Variants in CD101 observed in about 807,000 individuals in gnomAD.
The protein encoded by CD101 is immunoglobulin superfamily member 2.
In CD101, 76 loss-of-function variants were observed where a neutral mutation model predicts 98.2. The observed-to-expected ratio is 0.77, with a 90% confidence interval of 0.64 to 0.94. The LOEUF (loss-of-function observed/expected upper bound fraction) is 0.94. CD101 is among the 40% of genes least tolerant of loss of function. CD101 has a pLI of 0.00. For synonymous variants in CD101, 471 were observed against 472.7 expected, an observed-to-expected ratio of 1.00 and a Z score of 0.05; for missense variants, 1,145 against 1,218.8, an observed-to-expected ratio of 0.94 and a Z score of 0.90.
At position 117,027,399 on chromosome 1, in the gene CD101, G is replaced by A. The variant is rs567607750; in HGVS notation, c.2824+1495G>A. 3.3e-5 allele frequency among the ~76,000 whole-genome samples: 5 copies of A among 152,310 alleles called. 1 individual carries two copies. The South Asian group carries it at 1.0e-3, about 32-fold the overall frequency. On this transcript the variant is annotated intron_variant, in intron 8 of 9. Transcript: ENST00000682167. Reference sequence around the variant, plus strand: ...TGTCATCAAAGAAGTATTTCCAGTAGACTAGGGGAACAACAGAGGCAGGGC... The same window carrying A: ...TGTCATCAAAGAAGTATTTCCAGTAAACTAGGGGAACAACAGAGGCAGGGC...
chr1:117,025,198 A>G (rs1215198738), intron 7 of CD101, among the ~76,000 whole-genome samples: 2 of 152,110 alleles, frequency 1.3e-5, no homozygotes, highest in Non-Finnish European at 2.9e-5. Context: ...CCCCGTCTCT[A>G]CTAAAAATAC....
chr1:117,025,895 C>T lies in CD101; in HGVS notation c.2815C>T (p.Leu939=), dbSNP rs751511393. 2 of 1,606,966 alleles carry T rather than the reference C, an allele frequency of 1.2e-6. No individual in the cohort carries two copies. Among genetic ancestry groups the T allele is most frequent in the Non-Finnish European group, 1.7e-6 (2 of 1,174,590 alleles). ...GTCACAGCGGATGGTGCTCACGGTG[C>T]TGCCTTCAGGTAACCAGGGGTTTAT... ...DESQRMVLTV[L]PSEPTLPSRI... Residue 939 remains leucine (L), a synonymous_variant, in exon 8 of 10, where the codon CTG becomes TTG. Transcript: ENST00000682167.
At position 117,021,938 on chromosome 1, in the gene CD101, G is replaced by A. The variant is rs775541507; in HGVS notation, c.2383G>A (p.Gly795Arg). The change falls in exon 7 of 10, where the codon GGA (glycine) becomes AGA (arginine). Residue 795 changes from glycine (G) to arginine (R), a missense_variant. Coordinates refer to ENST00000682167, the MANE Select transcript of CD101 (RefSeq NM_001256106.3). This position sits in a 1 kb window ranked among gnomAD's most constrained non-coding sequence, Gnocchi z 4.7. ...TACAAATGGCACTTGGCACAAGCTT[G>A]GAGAAAAGAAGTCAGGACTAACAGA... ...LSTNGTWHKL[G>R]EKKSGLTELK... 1.2e-6 allele frequency: 2 copies of A among 1,613,108 alleles called. No homozygotes were observed. The highest frequency in any genetic ancestry group is 2.2e-5 in the South Asian group (2 of 90,802).
At chr1:117,026,691 A>G (rs1653955604) in intron 8 of CD101, 1 of 152,218 alleles carries the variant, frequency 6.6e-6, no homozygotes, top group South Asian at 2.1e-4. Flanking sequence ...TGAAAAGCGT[A>G]TCTTCTCTGA....
rs1409112060 is a variant in CD101, at chr1:117,021,312, G to A, written c.2018-261G>A. Reference sequence around the variant, plus strand: ...AGCACAGGTAGCACTAGGACTAGTGGATGGAAGTTATGAAGAGATAAAGTT... The same window carrying A: ...AGCACAGGTAGCACTAGGACTAGTGAATGGAAGTTATGAAGAGATAAAGTT... On this transcript the variant is annotated intron_variant, in intron 6 of 9. Transcript: ENST00000682167. This position sits in a 1 kb window ranked among gnomAD's most constrained non-coding sequence, Gnocchi z 4.7. Among the ~76,000 whole-genome samples, 2 of 152,190 alleles carry A rather than the reference G, an allele frequency of 1.3e-5. No homozygotes were observed. The highest frequency in any genetic ancestry group is 1.3e-4 in the Admixed American group (2 of 15,276).
intron 4 of CD101, among the ~76,000 whole-genome samples, chr1:117,014,434 A>C (rs1157770756): frequency 6.6e-6 from 1 of 151,854 alleles, no homozygotes; most frequent in African/African-American, 2.4e-5. Flanking sequence ...TAGTGGGCAG[A>C]CTCCATCCTC....
Position 117,018,449 on chromosome 1 carries a change from G to T in CD101, c.1906G>T (p.Gly636Ter), listed in dbSNP as rs779876602. Reference sequence around the variant, plus strand: ...CCATGATGCCACTGAGGAAGAGACAGGAGTGTATCAGTGTGAAGTAGAAGT... The same window carrying T: ...CCATGATGCCACTGAGGAAGAGACATGAGTGTATCAGTGTGAAGTAGAAGT... Reference protein sequence around the residue: ...LVHDATEEETGVYQCEVEVYD... With the variant: ...LVHDATEEET Residue 636 changes from glycine (G) to a stop codon, truncating the protein, a stop_gained, in exon 6 of 10, where the codon GGA becomes TGA. Coordinates refer to ENST00000682167, the MANE Select transcript of CD101 (RefSeq NM_001256106.3). LOFTEE classifies it high-confidence loss of function. This position sits in a 1 kb window ranked among gnomAD's most constrained non-coding sequence, Gnocchi z 4.3. 1.2e-6 allele frequency: 2 copies of T among 1,614,232 alleles called. No individual in the cohort carries two copies. Among genetic ancestry groups the T allele is most frequent in the Non-Finnish European group, 1.7e-6 (2 of 1,180,038 alleles).
Position 117,007,862 on chromosome 1 carries a change from C to T in CD101, c.44-1988C>T, listed in dbSNP as rs139653418. Among the ~76,000 whole-genome samples, 312 of 152,246 alleles carry T rather than the reference C, an allele frequency of 2.0e-3. 2 individuals are homozygous for T. The highest frequency in any genetic ancestry group is 6.7e-3 in the African/African-American group (280 of 41,530). On this transcript the variant is annotated intron_variant, in intron 1 of 9. Coordinates refer to ENST00000682167, the MANE Select transcript of CD101 (RefSeq NM_001256106.3). ...TTGATTTTTGTTTCTATATAACATT[C>T]CACTTTATGACTGTACCACAGTTTA...
rs148124881 is a variant in CD101 at position 117,010,074 on chromosome 1, C to T, written c.268C>T (p.Arg90Ter). 1.1e-4 allele frequency: 178 copies of T among 1,614,046 alleles called. No individual in the cohort carries two copies. The highest frequency in any genetic ancestry group is 4.9e-4 in the Middle Eastern group (3 of 6,082). The change falls in exon 2 of 10, where the codon CGA becomes TGA. Residue 90 changes from arginine (R) to a stop codon, truncating the protein, a stop_gained. Coordinates refer to ENST00000682167, the MANE Select transcript of CD101 (RefSeq NM_001256106.3). LOFTEE classifies it high-confidence loss of function. This position sits in a 1 kb window ranked among gnomAD's most constrained non-coding sequence, Gnocchi z 5.2. ...FSYAVYTQRV[R>*]SGDVYVERVQ... ...TTACGCAGTATATACGCAGCGGGTG[C>T]GAAGCGGAGACGTCTACGTGGAGAG...
At position 117,011,919 on chromosome 1, in the gene CD101, T is replaced by C; in HGVS notation, c.794T>C (p.Ile265Thr). The change falls in exon 3 of 10, where the codon ATC (isoleucine) becomes ACC (threonine). Residue 265 changes from isoleucine to threonine, a missense_variant. Ile to Thr is a moderately conservative substitution (Grantham distance 89). Transcript: ENST00000682167. ...IQDPDETWMFITKKQTDQTTL... is the reference protein window; with the variant it reads ...IQDPDETWMFTTKKQTDQTTL... Reference sequence around the variant, plus strand: ...GATCCAGATGAAACTTGGATGTTCATCACCAAAAAGCAGACCGATCAAACC... The same window carrying C: ...GATCCAGATGAAACTTGGATGTTCACCACCAAAAAGCAGACCGATCAAACC... 1.2e-6 allele frequency: 2 copies of C among 1,614,076 alleles called. No individual in the cohort carries two copies. Among genetic ancestry groups the C allele is most frequent in the Non-Finnish European group, 1.7e-6 (2 of 1,180,008 alleles).
intron 5 of CD101, 98 bp downstream of exon 5, chr1:117,017,571 G>C: frequency 3.2e-6 from 4 of 1,233,336 alleles, no homozygotes; most frequent in Non-Finnish European, 4.6e-6. Context: ...CCCAGTGATG[G>C]TATGTGTACC....
chr1:117,027,769 T>A (rs1250443303), intron 8 of CD101, among the ~76,000 whole-genome samples: 1 of 152,182 alleles, frequency 6.6e-6, no homozygotes, highest in Admixed American at 6.5e-5. Flanking sequence ...CAGATTTTCC[T>A]TTTAGAAAGT....
intron 8 of CD101, among the ~76,000 whole-genome samples, chr1:117,029,139 G>GA (rs1171899660): frequency 2.7e-5 from 2 of 75,382 alleles, no homozygotes; most frequent in Non-Finnish European, 5.2e-5. Context: ...CAGAAAGAAA[G>GA]AAAGAAAGAA....
chr1:117,008,235 C>A (rs1270451846), intron 1 of CD101, among the ~76,000 whole-genome samples: 1 of 152,068 alleles, frequency 6.6e-6, no homozygotes, highest in African/African-American at 2.4e-5. Context: ...GAGGCTGAGG[C>A]AAGCAGATCA....
At chr1:117,020,333 C>T (rs572662768) in intron 6 of CD101, among the ~76,000 whole-genome samples, 2 of 152,270 alleles carry the variant, frequency 1.3e-5, no homozygotes, top group East Asian at 3.9e-4. Flanking sequence ...CACCTGAAGT[C>T]AGGAGTTTGA....
intron 4 of CD101, among the ~76,000 whole-genome samples, chr1:117,014,582 C>A (rs1481377679): frequency 3.9e-5 from 6 of 152,028 alleles, no homozygotes; most frequent in Non-Finnish European, 8.8e-5. Flanking sequence ...TAATCAGTGC[C>A]TTTTGTGAAG....
intron 1 of CD101, 57 bp downstream of exon 1, chr1:117,001,917 G>GCACC: frequency 5.4e-6 from 8 of 1,493,954 alleles, no homozygotes; most frequent in Non-Finnish European, 7.5e-6. Flanking sequence ...AACTCAGGGT[G>GCACC]CTGAGTGATG....
Position 117,018,569 on chromosome 1 carries a change from G to A in CD101, c.2017+9G>A. ...AGCCGTCACTTTACCAGGTAAGTGT[G>A]ACTTGAAATTAATCCCTGTTTTAAA... On this transcript the variant is annotated intron_variant, in intron 6 of 9. Transcript: ENST00000682167. This position sits in a 1 kb window ranked among gnomAD's most constrained non-coding sequence, Gnocchi z 4.3. The A allele has an allele frequency of 6.4e-7, 1 of 1,556,640 alleles. No homozygotes were observed. The highest frequency in any genetic ancestry group is 2.3e-5 in the East Asian group (1 of 44,150).
rs1652415448 is a variant in CD101, at chr1:117,004,417, CAAATAATACT to C, written c.43+2558_43+2567del. 6.6e-6 allele frequency among the ~76,000 whole-genome samples: 1 copy of C among 152,108 alleles called. No homozygotes were observed. Among genetic ancestry groups the C allele is most frequent in the Non-Finnish European group, 1.5e-5 (1 of 68,028 alleles). On this transcript the variant is annotated intron_variant, in intron 1 of 9. Coordinates refer to ENST00000682167, the MANE Select transcript of CD101 (RefSeq NM_001256106.3). The surrounding 1 kb of genome is among the most constrained non-coding windows in gnomAD (Gnocchi z 4.1). Reference sequence around the variant, plus strand: ...ACAGTTCAACCTAATCGTTTTCATTCAAATAATACTGCAGTGGTAAATTTGACAATTCCAG... The same window carrying C: ...ACAGTTCAACCTAATCGTTTTCATTCGCAGTGGTAAATTTGACAATTCCAG...
Sources: gnomAD v4.1 joint callset for allele counts (sites outside exome capture counted in the v4.1 genomes callset) on GRCh38, gnomAD v4.1.1 for gene constraint, Gnocchi (gnomAD v3.1) non-coding constraint, MANE v1.5 for transcripts, NCBI Gene and HGNC (gene_info 2026-07-23, HGNC 2026-07-21) for gene names.